SPATS2L: variants seen among roughly 807,000 people sequenced by gnomAD.
The protein encoded by SPATS2L is SPATS2-like protein.
SPATS2L carries 30 observed loss-of-function variants against 59.6 expected under a neutral mutation model. That is an observed-to-expected ratio of 0.50 (90% CI 0.38 to 0.68). The LOEUF is 0.68. SPATS2L is among the 30% of genes least tolerant of loss of function. SPATS2L has a pLI of 0.00. For missense variants in SPATS2L, 615 were observed against 700.0 expected (o/e 0.88, Z 1.37); for synonymous variants, 252 against 263.5 (o/e 0.96, Z 0.42).
chr2:200,468,934 G>A (rs1281508150), intron 10 of SPATS2L, among the ~76,000 whole-genome samples: 1 of 152,082 alleles, frequency 6.6e-6, no homozygotes, highest in East Asian at 1.9e-4. Context: ...CTATCAAAAC[G>A]CCACCCATCA....
chr2:200,337,161 G>C (rs998303926), intron 2 of SPATS2L, among the ~76,000 whole-genome samples: 1 of 152,170 alleles, frequency 6.6e-6, no homozygotes, highest in Admixed American at 6.5e-5. Flanking sequence ...GCTAACCTAT[G>C]AAATGTTAAA....
At chr2:200,332,691 T>A (rs1297526923) in intron 2 of SPATS2L, among the ~76,000 whole-genome samples, 1 of 152,042 alleles carries the variant, frequency 6.6e-6, no homozygotes, top group African/African-American at 2.4e-5. Flanking sequence ...TTAATTATGA[T>A]TTCTTAATTC....
At chr2:200,440,347 T>C (rs548938408) in intron 7 of SPATS2L, among the ~76,000 whole-genome samples, 103 of 152,342 alleles carry the variant, frequency 6.8e-4, no homozygotes, top group African/African-American at 2.5e-3. Context: ...TCTTTAGACG[T>C]ATCAGATTCT....
chr2:200,306,780 C>T lies in SPATS2L; in HGVS notation c.-215C>T. Reference sequence around the variant, plus strand: ...CCGGCAGCGCGGGGCGAGCTCCGGACGGCGCGCGGCCCAGGCAGCGGCTCC... The same window carrying T: ...CCGGCAGCGCGGGGCGAGCTCCGGATGGCGCGCGGCCCAGGCAGCGGCTCC... On this transcript the variant is annotated 5_prime_UTR_variant, in exon 1 of 13. It adds an upstream start codon to the 5' untranslated region. Coordinates refer to ENST00000409140, the MANE Select transcript of SPATS2L (RefSeq NM_001100423.2). 1.0e-6 allele frequency: 1 copy of T among 981,758 alleles called. No individual in the cohort carries two copies. The highest frequency in any genetic ancestry group is 1.2e-6 in the Non-Finnish European group (1 of 828,296). 60.8% of individuals were successfully genotyped at this position (981,758 alleles called of 1,614,324 possible). A position where few individuals can be genotyped will look rare whatever the true frequency, so the allele number is the denominator to read the frequency against.
At chr2:200,336,329 T>G (rs192278172) in intron 2 of SPATS2L, among the ~76,000 whole-genome samples, 17 of 152,328 alleles carry the variant, frequency 1.1e-4, no homozygotes, top group African/African-American at 1.7e-4. Context: ...TAGAAAACAT[T>G]GTATTCATTC....
intron 7 of SPATS2L, among the ~76,000 whole-genome samples, chr2:200,439,979 G>A (rs2084578551): frequency 6.6e-6 from 1 of 152,158 alleles, no homozygotes; most frequent in South Asian, 2.1e-4. Context: ...CCTTGGCTTT[G>A]GTTTGATCTA....
intron 3 of SPATS2L, among the ~76,000 whole-genome samples, chr2:200,405,580 T>C (rs553313044): frequency 1.3e-5 from 2 of 152,310 alleles, no homozygotes; most frequent in African/African-American, 4.8e-5. Context: ...AGAAAATTCA[T>C]AGGAAAACTA....
chr2:200,343,351 G>C (rs1011310057), intron 2 of SPATS2L, among the ~76,000 whole-genome samples: 7 of 152,112 alleles, frequency 4.6e-5, no homozygotes, highest in Non-Finnish European at 1.0e-4. Flanking sequence ...TCACCTAATC[G>C]ATTAAGGTGT....
chr2:200,440,601 A>C, intron 7 of SPATS2L, 48 bp from the exon 8 acceptor site: 4 of 1,575,474 alleles, frequency 2.5e-6, no homozygotes, highest in Non-Finnish European at 3.5e-6. Flanking sequence ...GCTTACAAAC[A>C]AAGGATTAAA....
At chr2:200,440,615 T>C (rs1398759412) in intron 7 of SPATS2L, 34 bp from the exon 8 acceptor site, 2 of 1,598,894 alleles carry the variant, frequency 1.3e-6, no homozygotes, top group East Asian at 2.2e-5. Flanking sequence ...GATTAAATGC[T>C]CAAGTTAATA....
At chr2:200,341,650 GGCATTTAGAAGCATTTAGA>G (rs2080328366) in intron 2 of SPATS2L, among the ~76,000 whole-genome samples, 1 of 151,656 alleles carries the variant, frequency 6.6e-6, no homozygotes, top group Non-Finnish European at 1.5e-5. Flanking sequence ...CCAAAATGGT[GGCATTTAGAAGCATTTAGA>G]GGACAGGCAA....
chr2:200,342,442 A>G lies in SPATS2L; in HGVS notation c.-23+12962A>G, dbSNP rs541329367. On this transcript the variant is annotated intron_variant, in intron 2 of 12. Transcript: ENST00000409140. ...CTGGTTGTTCTCTTGCAGCTGCTTTACAGGGGAGTGAAGCCTTCCTCCTCC... is the reference window on the plus strand; with the variant it reads ...CTGGTTGTTCTCTTGCAGCTGCTTTGCAGGGGAGTGAAGCCTTCCTCCTCC... 2.0e-5 allele frequency among the ~76,000 whole-genome samples: 3 copies of G among 152,336 alleles called. No individual in the cohort carries two copies. The East Asian group carries it at 5.8e-4, about 29-fold the overall frequency.
At chr2:200,359,626 G>T (rs962946554) in intron 2 of SPATS2L, among the ~76,000 whole-genome samples, 8 of 152,206 alleles carry the variant, frequency 5.3e-5, no homozygotes, top group Non-Finnish European at 8.8e-5. Flanking sequence ...TGTGTGATAA[G>T]CCTGTTCTTG....
chr2:200,478,281 A>G lies in SPATS2L; in HGVS notation c.*250A>G, dbSNP rs1248410983. On this transcript the variant is annotated 3_prime_UTR_variant, in exon 13 of 13. Coordinates refer to ENST00000409140, the MANE Select transcript of SPATS2L (RefSeq NM_001100423.2). ...CATTTTAGCCAGGCAGTATTTACTC[A>G]TTATTAGGAAAATCAAGATGTGGCT... 2.1e-5 allele frequency: 7 copies of G among 331,704 alleles called. No homozygotes were observed. In the Admixed American group the frequency reaches 3.4e-4, roughly 16 times the overall value. 20.5% of individuals were successfully genotyped at this position (331,704 alleles called of 1,614,324 possible).
intron 6 of SPATS2L, among the ~76,000 whole-genome samples, chr2:200,425,308 G>A (rs1470574570): frequency 6.6e-6 from 1 of 151,972 alleles, no homozygotes; most frequent in Non-Finnish European, 1.5e-5. Flanking sequence ...GCCCTATATT[G>A]GACAGAGGAT....
intron 8 of SPATS2L, among the ~76,000 whole-genome samples, chr2:200,454,753 G>A (rs1332842810): frequency 2.0e-5 from 3 of 152,172 alleles, no homozygotes; most frequent in South Asian, 2.1e-4. Context: ...TGAGGTCCGC[G>A]TGGATTTTAC....
chr2:200,412,490 T>A, intron 4 of SPATS2L, 71 bp downstream of exon 4: 1 of 835,396 alleles, frequency 1.2e-6, no homozygotes. Flanking sequence ...ATTTTTTCCT[T>A]AAATGAACTG....
At chr2:200,351,851 T>C (rs1036608157) in intron 2 of SPATS2L, among the ~76,000 whole-genome samples, 3 of 152,188 alleles carry the variant, frequency 2.0e-5, no homozygotes, top group Non-Finnish European at 4.4e-5. Context: ...TTGACACGGC[T>C]CTTTAAGAGG....
At chr2:200,382,429 G>A (rs562287134) in intron 2 of SPATS2L, among the ~76,000 whole-genome samples, 47 of 152,336 alleles carry the variant, frequency 3.1e-4, no homozygotes, top group Non-Finnish European at 5.7e-4. Context: ...TGTGTGAGTG[G>A]AGTGGTTTCG....
Sources: gnomAD v4.1 joint callset for allele counts (sites outside exome capture counted in the v4.1 genomes callset) on GRCh38, gnomAD v4.1.1 for gene constraint, MANE v1.5 for transcripts, NCBI Gene and HGNC (gene_info 2026-07-23, HGNC 2026-07-21) for gene names.